RBBP9: variants seen among roughly 807,000 people sequenced by gnomAD.
The protein encoded by RBBP9 is serine hydrolase RBBP9.
In RBBP9, 20 loss-of-function variants were observed where a neutral mutation model predicts 24.2. That is an observed-to-expected ratio of 0.83 (90% CI 0.58 to 1.20). RBBP9 has a LOEUF of 1.20. RBBP9 is among the 50% of genes most tolerant of loss of function. RBBP9 has a pLI of 0.00. For missense variants in RBBP9, 234 were observed against 233.6 expected, an observed-to-expected ratio of 1.00 and a Z score of -0.01; for synonymous variants, 74 against 84.6, an observed-to-expected ratio of 0.87 and a Z score of 0.69.
chr20:18,488,874 CTTGCAGTGT>C lies in RBBP9; in HGVS notation c.*881_*889del, dbSNP rs2059853671. ...AATGGATGGCTTGGATTTTATTTGT[CTTGCAGTGT>C]TTGTAAATTTTTTGATGTATACTGT... On this transcript the variant is annotated 3_prime_UTR_variant, in exon 5 of 5. Transcript: ENST00000337227. The C allele has an allele frequency of 6.6e-6, 1 of 151,984 alleles. No individual in the cohort carries two copies. Among genetic ancestry groups the C allele is most frequent in the African/African-American group, 2.4e-5 (1 of 41,346 alleles). 9.4% of individuals were successfully genotyped at this position (151,984 alleles called of 1,614,324 possible). A position where few individuals can be genotyped will look rare whatever the true frequency, so the allele number is the denominator to read the frequency against.
At chr20:18,493,015 T>G (rs1367420310) in intron 3 of RBBP9, among the ~76,000 whole-genome samples, 1 of 152,254 alleles carries the variant, frequency 6.6e-6, no homozygotes, top group Non-Finnish European at 1.5e-5. Context: ...TGAAAGGTTA[T>G]GAAATTTGGC....
rs1224101240 is a variant in RBBP9 at position 18,488,647 on chromosome 20, A to C, written c.*1117T>G. On this transcript the variant is annotated 3_prime_UTR_variant, in exon 5 of 5. Coordinates refer to ENST00000337227, the MANE Select transcript of RBBP9 (RefSeq NM_006606.3). ...GATCTAAAGGGCCATGGAAGTTAAA[A>C]GGTTTAACTCTATAGAACAGAACAC... is the stretch of plus-strand genomic sequence containing the variant. 6.6e-6 allele frequency: 1 copy of C among 152,272 alleles called. No homozygotes were observed. The highest frequency in any genetic ancestry group is 1.5e-5 in the Non-Finnish European group (1 of 68,054). The allele number at this position is 152,272 out of a possible 1,614,324, so 9.4% of individuals were successfully genotyped here. A position where few individuals can be genotyped will look rare whatever the true frequency, so the allele number is the denominator to read the frequency against.
intron 3 of RBBP9, 48 bp from the exon 4 acceptor site, chr20:18,490,528 T>A: frequency 7.0e-7 from 1 of 1,418,904 alleles, no homozygotes; most frequent in Non-Finnish European, 9.9e-7. Flanking sequence ...TTACCTCTGA[T>A]CACCAAAAAG....
chr20:18,494,327 A>G lies in RBBP9; in HGVS notation c.143-264T>C, dbSNP rs578109983. On this transcript the variant is annotated intron_variant, in intron 2 of 4. Transcript: ENST00000337227. ...GTTTACCATGTTCTTGTAAGAAAATACTAAGGAAATAATAAAATATAACTC... is the reference window on the plus strand; with the variant it reads ...GTTTACCATGTTCTTGTAAGAAAATGCTAAGGAAATAATAAAATATAACTC... Among the ~76,000 whole-genome samples the G allele has an allele frequency of 1.3e-3, 189 of 145,360 alleles. 1 individual carries two copies. The highest frequency in any genetic ancestry group is 4.5e-3 in the African/African-American group (176 of 39,178).
chr20:18,495,917 A>C (rs2059885164), intron 1 of RBBP9, 37 bp from the exon 2 acceptor site: 1 of 1,443,806 alleles, frequency 6.9e-7, no homozygotes, highest in Non-Finnish European at 9.4e-7. Flanking sequence ...TATAATAAAG[A>C]GCTTAATTAC....
rs112451951 is a variant in RBBP9 at position 18,489,629 on chromosome 20, T to C, written c.*135A>G. 1 of 616,840 alleles carries C rather than the reference T, an allele frequency of 1.6e-6. No homozygotes were observed. The highest frequency in any genetic ancestry group is 1.8e-5 in the African/African-American group (1 of 54,378). The allele number at this position is 616,840 out of a possible 1,614,324, so 38.2% of individuals were successfully genotyped here. ...TGGAAGTGCTATTTGTAACTTAGATTGAATGTTGAAACTTGTGTTTGTTTT... is the reference window on the plus strand; with the variant it reads ...TGGAAGTGCTATTTGTAACTTAGATCGAATGTTGAAACTTGTGTTTGTTTT... On this transcript the variant is annotated 3_prime_UTR_variant, in exon 5 of 5. Coordinates refer to ENST00000337227, the MANE Select transcript of RBBP9 (RefSeq NM_006606.3).
rs2059854196 is a variant in RBBP9 at position 18,488,965 on chromosome 20, G to GTGTA, written c.*798_*799insTACA. The GTGTA allele has an allele frequency of 4.1e-5, 4 of 97,256 alleles. No homozygotes were observed. The South Asian group carries it at 1.2e-3, about 30-fold the overall frequency. 6.0% of individuals were successfully genotyped at this position (97,256 alleles called of 1,614,324 possible). A position where few individuals can be genotyped will look rare whatever the true frequency, so the allele number is the denominator to read the frequency against. The stretch of plus-strand genomic sequence containing the variant: ...GGATTGTATGTGTATGTGTGTGTGT[G>GTGTA]TGTGTGTATATATATATATATTTGC... On this transcript the variant is annotated 3_prime_UTR_variant, in exon 5 of 5. Transcript: ENST00000337227.
intron 2 of RBBP9, among the ~76,000 whole-genome samples, chr20:18,495,037 C>G (rs2148874734): frequency 6.6e-6 from 1 of 151,920 alleles, no homozygotes; most frequent in South Asian, 2.1e-4. Context: ...GCCGCCCCTA[C>G]TGGGAAGTGA....
chr20:18,493,883 G>T, intron 3 of RBBP9, 75 bp downstream of exon 3: 1 of 1,143,244 alleles, frequency 8.7e-7, no homozygotes, highest in Non-Finnish European at 1.3e-6. Flanking sequence ...AGAAATTTAA[G>T]ATATACGCAA....
intron 1 of RBBP9, 81 bp from the exon 2 acceptor site, chr20:18,495,961 T>C (rs1292287456): frequency 1.7e-6 from 2 of 1,173,408 alleles, no homozygotes; most frequent in Admixed American, 5.0e-5. Context: ...ATGAGGCACC[T>C]GATATGATCG....
chr20:18,490,123 T>C, intron 4 of RBBP9, 133 bp from the exon 5 acceptor site: 1 of 686,008 alleles, frequency 1.5e-6, no homozygotes, highest in Non-Finnish European at 2.5e-6. Flanking sequence ...GCACTTCTTT[T>C]GTTTTCAAAT....
At chr20:18,490,070 C>T in intron 4 of RBBP9, 80 bp from the exon 5 acceptor site, 1 of 1,000,472 alleles carries the variant, frequency 1.0e-6, no homozygotes, top group African/African-American at 1.6e-5. Flanking sequence ...ACTGGCGACC[C>T]ACATAGAGAC....
chr20:18,495,513 G>A (rs1220023326), intron 2 of RBBP9, among the ~76,000 whole-genome samples: 3 of 150,774 alleles, frequency 2.0e-5, no homozygotes, highest in African/African-American at 7.3e-5. Context: ...TTTATCTGCT[G>A]ACCTTCCCTC....
intron 1 of RBBP9, 56 bp from the exon 2 acceptor site, chr20:18,495,936 C>A: frequency 7.3e-7 from 1 of 1,365,392 alleles, no homozygotes; most frequent in Non-Finnish European, 1.0e-6. Flanking sequence ...ACAACTAATA[C>A]TTTGCTAATA....
intron 3 of RBBP9, among the ~76,000 whole-genome samples, chr20:18,493,495 A>T (rs1197863199): frequency 6.6e-6 from 1 of 152,204 alleles, no homozygotes; most frequent in African/African-American, 2.4e-5. Context: ...ATATGGAGTG[A>T]TTAGAGAAGG....
At position 18,489,771 on chromosome 20, in the gene RBBP9, G is replaced by C; in HGVS notation, c.554C>G (p.Pro185Arg). The C allele has an allele frequency of 6.2e-7, 1 of 1,604,462 alleles. No homozygotes were observed. The highest frequency in any genetic ancestry group is 8.5e-7 in the Non-Finnish European group (1 of 1,171,596). Residue 185 changes from proline (P) to arginine (R), a missense_variant, in exon 5 of 5, where the codon CCA becomes CGA. Physicochemically the swap from Pro to Arg is moderately radical, Grantham distance 103 (BLOSUM62 -2). Coordinates refer to ENST00000337227, the MANE Select transcript of RBBP9 (RefSeq NM_006606.3). ...TAGCAGAAATCATACAGTCTATGCT[G>C]GTACTTTCAGCAAAGACTTTACAAC... ...ITVVKSLLKV[P>R]A
intron 1 of RBBP9, among the ~76,000 whole-genome samples, 177 bp from the exon 2 acceptor site, chr20:18,496,057 T>C (rs2059885818): frequency 6.6e-6 from 1 of 152,268 alleles, no homozygotes; most frequent in Admixed American, 6.5e-5. Context: ...TAGTTCTGTA[T>C]CTAGGCAGCT....
At chr20:18,495,221 CTT>C (rs893283289) in intron 2 of RBBP9, among the ~76,000 whole-genome samples, 4 of 147,146 alleles carry the variant, frequency 2.7e-5, no homozygotes, top group African/African-American at 1.0e-4. Context: ...ACATGGGAGA[CTT>C]TTCATTTTGT....
At position 18,487,719 on chromosome 20, in the gene RBBP9, A is replaced by T. The variant is rs2059849168; in HGVS notation, c.*2045T>A. ...GTAATCCCAACACTTTGGGCGGCTG[A>T]GGTGGGTGGATCACTTGAGGCCAGG... On this transcript the variant is annotated 3_prime_UTR_variant, in exon 5 of 5. Transcript: ENST00000337227. 2 of 152,240 alleles carry T rather than the reference A, an allele frequency of 1.3e-5. No individual in the cohort carries two copies. Among genetic ancestry groups the T allele is most frequent in the South Asian group, 4.1e-4 (2 of 4,834 alleles). The allele number at this position is 152,240 out of a possible 1,614,324, so 9.4% of individuals were successfully genotyped here. A position where few individuals can be genotyped will look rare whatever the true frequency, so the allele number is the denominator to read the frequency against.
Sources: allele counts gnomAD v4.1 joint callset (sites outside exome capture counted in the v4.1 genomes callset), GRCh38; gene constraint gnomAD v4.1.1; transcripts MANE v1.5; gene names NCBI Gene and HGNC (gene_info 2026-07-23, HGNC 2026-07-21).